Variants in CD72 observed in about 807,000 individuals in gnomAD.
CD72 encodes the protein B-cell differentiation antigen CD72.
Under a neutral mutation model 50.7 loss-of-function variants are expected in CD72, and 28 were observed. That is an observed-to-expected ratio of 0.55 (90% CI 0.41 to 0.76). CD72 has a LOEUF of 0.76. CD72 is among the 30% of genes least tolerant of loss of function. The pLI, the probability that CD72 is intolerant of heterozygous loss-of-function variation, is 0.00. For synonymous variants in CD72, 176 were observed against 171.2 expected (o/e 1.03, Z -0.22); for missense variants, 403 against 420.6 (o/e 0.96, Z 0.37).
chr9:35,629,962 A>G (rs1823228456), intron 1 of CD72, among the ~76,000 whole-genome samples: 1 of 151,190 alleles, frequency 6.6e-6, no homozygotes. Context: ...TCCACTGACT[A>G]ATTTTTCCCC....
intron 1 of CD72, among the ~76,000 whole-genome samples, chr9:35,627,413 A>G (rs1823206309): frequency 6.6e-6 from 1 of 151,990 alleles, no homozygotes. Context: ...TACAGGCGAG[A>G]GCCACTGCGC....
At chr9:35,615,292 C>T (rs1412456877) in intron 5 of CD72, among the ~76,000 whole-genome samples, 1 of 152,186 alleles carries the variant, frequency 6.6e-6, no homozygotes, top group Admixed American at 6.5e-5. Context: ...CCCAAAAACA[C>T]CCCAGTCCCC....
At chr9:35,623,643 G>A (rs189787476), upstream of CD72, among the ~76,000 whole-genome samples, 8 of 152,274 alleles carry the variant, frequency 5.3e-5, no homozygotes, top group East Asian at 1.9e-4. Flanking sequence ...GAGGCCTGGC[G>A]CAGTGGCTCA....
At chr9:35,617,371 GCTCTGGGACA>G in intron 2 of CD72, 124 bp from the exon 3 acceptor site, 1 of 1,064,672 alleles carries the variant, frequency 9.4e-7, no homozygotes, top group Non-Finnish European at 1.3e-6. Context: ...TGCTAGAGCT[GCTCTGGGACA>G]CAGTGTCACT....
chr9:35,641,394 T>A (rs560985600), intron 1 of CD72, among the ~76,000 whole-genome samples: 1 of 151,978 alleles, frequency 6.6e-6, no homozygotes, highest in African/African-American at 2.4e-5. Flanking sequence ...TGCAGGGAAT[T>A]ACTTCTTTGG....
In CD72 at chr9:35,612,867, C is replaced by A. The variant is rs1330768262; in HGVS notation, c.815G>T (p.Ser272Ile). The A allele has an allele frequency of 6.2e-7, 1 of 1,614,084 alleles. No individual in the cohort carries two copies. Among genetic ancestry groups the A allele is most frequent in the South Asian group, 1.1e-5 (1 of 91,086 alleles). Residue 272 changes from serine (S) to isoleucine (I), a missense_variant, in exon 6 of 9, where the codon AGT becomes ATT. Coordinates refer to ENST00000259633, the MANE Select transcript of CD72 (RefSeq NM_001782.3). ...ETLSSKLATFSEIYPQSHSYY... is the reference protein window; with the variant it reads ...ETLSSKLATFIEIYPQSHSYY... ...GCTTACTGATTGTGGATAAATTTCA[C>A]TGAATGTGGCCAGCTTGGAAGACAG... is the stretch of plus-strand genomic sequence containing the variant.
At position 35,644,350 on chromosome 9, in the gene CD72, C is replaced by CAAAAAAA. The variant is rs74176726; in HGVS notation, n.408+2046_408+2052dup. Among the ~76,000 whole-genome samples, 4 of 68,196 alleles carry CAAAAAAA rather than the reference C, an allele frequency of 5.9e-5. 1 individual carries two copies. The highest frequency in any genetic ancestry group is 7.7e-5 in the Non-Finnish European group (3 of 38,984). 44.7% of individuals were successfully genotyped at this position (68,196 alleles called of 152,430 possible). A position where few individuals can be genotyped will look rare whatever the true frequency, so the allele number is the denominator to read the frequency against. On this transcript the variant is annotated intron_variant and non_coding_transcript_variant, in intron 1 of 3. Coordinates refer to the CD72 transcript ENST00000465754. The stretch of plus-strand genomic sequence containing the variant: ...GGGCAACAAGAGTGAAACTCTGTCT[C>CAAAAAAA]AAAAAAAAAAAAAAAAAAAAAAAAA...
intron 1 of CD72, among the ~76,000 whole-genome samples, chr9:35,625,508 T>C (rs564020694): frequency 6.6e-6 from 1 of 152,246 alleles, no homozygotes; most frequent in Non-Finnish European, 1.5e-5. Flanking sequence ...AGTGCTGATG[T>C]AGAAGCTGCA....
chr9:35,632,645 C>T (rs979889016), intron 1 of CD72, among the ~76,000 whole-genome samples: 4 of 150,796 alleles, frequency 2.7e-5, no homozygotes, highest in African/African-American at 9.8e-5. Context: ...GGCACCATCT[C>T]GGCTCACTGC....
chr9:35,630,036 CT>C (rs35481553), intron 1 of CD72, among the ~76,000 whole-genome samples: 7 of 128,946 alleles, frequency 5.4e-5, no homozygotes, highest in Admixed American at 1.7e-4. Context: ...AATTTCTTTT[CT>C]TTTTTTTTTT....
At chr9:35,621,772 A>G (rs997842455), upstream of CD72, among the ~76,000 whole-genome samples, 7 of 152,184 alleles carry the variant, frequency 4.6e-5, no homozygotes, top group African/African-American at 1.7e-4. Context: ...CACTCAACCC[A>G]TAGGTCCTGA....
upstream of CD72, among the ~76,000 whole-genome samples, chr9:35,619,730 G>A (rs1823126712): frequency 1.3e-5 from 2 of 152,234 alleles, no homozygotes; most frequent in Non-Finnish European, 1.5e-5. Flanking sequence ...TCTGTGAGGT[G>A]AGCGGCTATG....
At chr9:35,631,581 A>C (rs555223149) in intron 1 of CD72, among the ~76,000 whole-genome samples, 1 of 152,062 alleles carries the variant, frequency 6.6e-6, no homozygotes, top group Non-Finnish European at 1.5e-5. Context: ...TTCGTTTTCT[A>C]TACTCTTGAC....
chr9:35,634,394 C>T (rs754153911), intron 1 of CD72, among the ~76,000 whole-genome samples: 2 of 152,144 alleles, frequency 1.3e-5, no homozygotes, highest in Non-Finnish European at 2.9e-5. Context: ...CTCTTGTTCC[C>T]CAGGCTGGAG....
In CD72 at chr9:35,618,207, C is replaced by T. The variant is rs1213868083; in HGVS notation, c.82+15G>A. ...GTGGGGATGCAGGATCAAGGGGAGG[C>T]CTCATCCCCCTTACCCTGTCCTAAC... is the stretch of plus-strand genomic sequence containing the variant. On this transcript the variant is annotated intron_variant, in intron 1 of 8. Transcript: ENST00000259633. 1.2e-6 allele frequency: 2 copies of T among 1,611,004 alleles called. No individual in the cohort carries two copies. The highest frequency in any genetic ancestry group is 2.2e-5 in the East Asian group (1 of 44,862).
At chr9:35,636,512 G>C (rs1256334742) in intron 1 of CD72, among the ~76,000 whole-genome samples, 1 of 152,168 alleles carries the variant, frequency 6.6e-6, no homozygotes, top group Non-Finnish European at 1.5e-5. Flanking sequence ...GAAGAAATGA[G>C]AATCACTTAA....
chr9:35,618,640 C>T, upstream of CD72: 1 of 630,926 alleles, frequency 1.6e-6, no homozygotes, highest in Non-Finnish European at 2.5e-6. Flanking sequence ...CATGCTGGGC[C>T]CCAAACTCGG....
At chr9:35,643,704 T>C (rs749215831) in intron 1 of CD72, among the ~76,000 whole-genome samples, 1 of 152,102 alleles carries the variant, frequency 6.6e-6, no homozygotes, top group South Asian at 2.1e-4. Context: ...GGGGCCGGGC[T>C]GGGTAACTCA....
intron 1 of CD72, among the ~76,000 whole-genome samples, chr9:35,637,748 G>A (rs540859832): frequency 1.3e-5 from 2 of 152,212 alleles, no homozygotes; most frequent in Middle Eastern, 3.4e-3. Flanking sequence ...GATCACCACG[G>A]GGATGCCTGC....
Sources: allele counts gnomAD v4.1 joint callset (sites outside exome capture counted in the v4.1 genomes callset), GRCh38; gene constraint gnomAD v4.1.1; transcripts MANE v1.5; gene names NCBI Gene and HGNC (gene_info 2026-07-23, HGNC 2026-07-21).